MPPED2: variants seen among roughly 807,000 people sequenced by gnomAD.
MPPED2 encodes metallophosphoesterase MPPED2.
MPPED2 carries 5 observed loss-of-function variants against 33.0 expected under a neutral mutation model. That is an observed-to-expected ratio of 0.15 (90% CI 0.08 to 0.32). The LOEUF (loss-of-function observed/expected upper bound fraction) is 0.32, where lower values mean the gene tolerates loss of function less well. Ranked by LOEUF, MPPED2 falls within the 10% of genes least tolerant of loss-of-function variation. MPPED2 has a pLI of 1.00. For synonymous variants in MPPED2, 136 were observed against 141.9 expected (o/e 0.96, Z 0.29); for missense variants, 275 against 372.1 (o/e 0.74, Z 2.15).
At chr11:30,433,690 C>A (rs1949185854) in intron 4 of MPPED2, among the ~76,000 whole-genome samples, 1 of 152,146 alleles carries the variant, frequency 6.6e-6, no homozygotes, top group Non-Finnish European at 1.5e-5. Flanking sequence ...TATTCTGAAG[C>A]TGTAGTGGGA....
intron 4 of MPPED2, among the ~76,000 whole-genome samples, chr11:30,436,231 C>T (rs1949320236): frequency 1.3e-5 from 2 of 151,998 alleles, no homozygotes; most frequent in Admixed American, 6.6e-5. Context: ...TAGTCCCTGC[C>T]ACTTATTGAG....
intron 6 of MPPED2, among the ~76,000 whole-genome samples, chr11:30,391,414 T>C (rs1003364606): frequency 3.3e-5 from 5 of 152,074 alleles, no homozygotes; most frequent in Non-Finnish European, 5.9e-5. Flanking sequence ...CGTTATCAGT[T>C]GGTGGGGCAG....
At chr11:30,539,706 G>A (rs543792613) in intron 2 of MPPED2, among the ~76,000 whole-genome samples, 13 of 152,084 alleles carry the variant, frequency 8.5e-5, no homozygotes, top group East Asian at 5.8e-4. Context: ...CTATAGCCTC[G>A]ACCTCCCAGG....
chr11:30,447,713 A>G (rs764269887), intron 4 of MPPED2, among the ~76,000 whole-genome samples: 3 of 152,228 alleles, frequency 2.0e-5, no homozygotes, highest in Non-Finnish European at 2.9e-5. Flanking sequence ...AGGGGCAAGT[A>G]AGAAAGGCCG....
At chr11:30,542,738 C>A (rs1955196786) in intron 2 of MPPED2, among the ~76,000 whole-genome samples, 1 of 152,094 alleles carries the variant, frequency 6.6e-6, no homozygotes, top group South Asian at 2.1e-4. Context: ...ATACATAGTC[C>A]ATGCTCTGGA....
chr11:30,461,778 T>TCC, intron 4 of MPPED2, among the ~76,000 whole-genome samples: 1 of 152,358 alleles, frequency 6.6e-6, no homozygotes, highest in African/African-American at 2.4e-5. Flanking sequence ...CCTCAGATAT[T>TCC]TAAGCAAAAT....
rs1554919022 is a variant in MPPED2, at chr11:30,583,134, C to CTTTTTTTCTTTTTTTTTT, written c.-121-2641_-121-2640insAAAAAAAAAAGAAAAAAA. Reference sequence around the variant, plus strand: ...CACAAACACCTGGAAAAGACTTTTTCTTTTTTTTTTTTTTTTTTTTTTTTT... The same window carrying CTTTTTTTCTTTTTTTTTT: ...CACAAACACCTGGAAAAGACTTTTTCTTTTTTTCTTTTTTTTTTTTTTTTTTTTTTTTTTTTTTTTTTT... On this transcript the variant is annotated intron_variant, in intron 1 of 6. Transcript: ENST00000358117. Among the ~76,000 whole-genome samples, 703 of 96,490 alleles carry CTTTTTTTCTTTTTTTTTT rather than the reference C, an allele frequency of 7.3e-3. 59 individuals carry two copies. Among genetic ancestry groups the CTTTTTTTCTTTTTTTTTT allele is most frequent in the Non-Finnish European group, 0.01 (512 of 50,390 alleles). The allele number at this position is 96,490 out of a possible 152,430, so 63.3% of individuals were successfully genotyped here. A position where few individuals can be genotyped will look rare whatever the true frequency, so the allele number is the denominator to read the frequency against.
intron 3 of MPPED2, among the ~76,000 whole-genome samples, chr11:30,505,529 C>T (rs560516255): frequency 6.6e-6 from 1 of 152,340 alleles, no homozygotes; most frequent in East Asian, 1.9e-4. Flanking sequence ...AAGGTAGACT[C>T]TTCCACTGTT....
intron 2 of MPPED2, among the ~76,000 whole-genome samples, chr11:30,543,792 C>A (rs994050868): frequency 6.6e-5 from 7 of 106,630 alleles, no homozygotes; most frequent in East Asian, 7.0e-4. Flanking sequence ...TGGCGTTGTT[C>A]TTTTTTTTTT....
intron 3 of MPPED2, among the ~76,000 whole-genome samples, chr11:30,523,574 C>G (rs983955679): frequency 6.6e-6 from 1 of 151,966 alleles, no homozygotes; most frequent in Non-Finnish European, 1.5e-5. Flanking sequence ...TGACAACTTC[C>G]CCTTGTTGTA....
intron 2 of MPPED2, among the ~76,000 whole-genome samples, chr11:30,537,592 C>G (rs1224279957): frequency 6.6e-6 from 1 of 152,134 alleles, no homozygotes; most frequent in East Asian, 1.9e-4. Flanking sequence ...TCCCACATTT[C>G]TTCAATGACT....
At chr11:30,578,182 G>T (rs1310742593) in intron 2 of MPPED2, among the ~76,000 whole-genome samples, 2 of 152,186 alleles carry the variant, frequency 1.3e-5, no homozygotes, top group African/African-American at 4.8e-5. Flanking sequence ...TTGATGAGCA[G>T]AGCGTAAATG....
chr11:30,515,237 G>A (rs1160660743), intron 3 of MPPED2, among the ~76,000 whole-genome samples: 1 of 152,168 alleles, frequency 6.6e-6, no homozygotes, highest in Non-Finnish European at 1.5e-5. Flanking sequence ...GGAAAAGAAT[G>A]GCTGGGTTTA....
intron 2 of MPPED2, among the ~76,000 whole-genome samples, chr11:30,552,608 T>G (rs1235948359): frequency 6.6e-6 from 1 of 152,242 alleles, no homozygotes; most frequent in Non-Finnish European, 1.5e-5. Context: ...TGTTTCGTTT[T>G]GTTTTTTCTC....
intron 3 of MPPED2, among the ~76,000 whole-genome samples, chr11:30,508,635 G>A (rs1241674314): frequency 6.6e-6 from 1 of 152,098 alleles, no homozygotes; most frequent in Non-Finnish European, 1.5e-5. Flanking sequence ...ACTAAAGCTG[G>A]GTGATCTCAT....
At chr11:30,513,157 A>G (rs1176169634) in intron 3 of MPPED2, among the ~76,000 whole-genome samples, 1 of 152,180 alleles carries the variant, frequency 6.6e-6, no homozygotes, top group Admixed American at 6.5e-5. Context: ...CTCAGTGACC[A>G]GCATTACCCT....
At chr11:30,566,519 T>G (rs1465760010) in intron 2 of MPPED2, among the ~76,000 whole-genome samples, 2 of 152,108 alleles carry the variant, frequency 1.3e-5, no homozygotes, top group Non-Finnish European at 2.9e-5. Context: ...TTACATAAGT[T>G]ACCCTTTTTA....
intron 3 of MPPED2, chr11:30,501,576 G>A (rs1357266076): frequency 2.7e-5 from 26 of 959,136 alleles, no homozygotes; most frequent in South Asian, 1.4e-4. Flanking sequence ...AAAATGTGCC[G>A]AGTGGCCTCT....
intron 2 of MPPED2, among the ~76,000 whole-genome samples, chr11:30,575,758 C>G (rs1017460832): frequency 6.6e-6 from 1 of 152,214 alleles, no homozygotes; most frequent in Admixed American, 6.5e-5. Flanking sequence ...ACTCAGCTCA[C>G]AAGATTCCAT....
Sources: gnomAD v4.1 joint callset for allele counts (sites outside exome capture counted in the v4.1 genomes callset) on GRCh38, gnomAD v4.1.1 for gene constraint, MANE v1.5 for transcripts, NCBI Gene and HGNC (gene_info 2026-07-23, HGNC 2026-07-21) for gene names.